C1QTNF3: variants seen among roughly 807,000 people sequenced by gnomAD.
C1QTNF3 encodes the protein complement C1q tumor necrosis factor-related protein 3.
Under a neutral mutation model 32.6 loss-of-function variants are expected in C1QTNF3, and 26 were observed. The observed-to-expected ratio is 0.80, with a 90% CI of 0.58 to 1.11. The LOEUF is 1.11. C1QTNF3 is among the 50% of genes least tolerant of loss of function. C1QTNF3 has a pLI of 0.00. For synonymous variants in C1QTNF3, 155 were observed against 146.0 expected, an observed-to-expected ratio of 1.06 and a Z score of -0.44; for missense variants, 362 against 398.2, an observed-to-expected ratio of 0.91 and a Z score of 0.77.
At chr5:34,197,963 C>A in the C1QTNF3 span, among the ~76,000 whole-genome samples, 2 of 150,778 alleles carry the variant, frequency 1.3e-5, no homozygotes, top group African/African-American at 4.9e-5. Context: ...CGGCTGGGCA[C>A]GGTGGCTCAC....
At chr5:34,126,204 C>T in the C1QTNF3 span, among the ~76,000 whole-genome samples, 2 of 152,110 alleles carry the variant, frequency 1.3e-5, no homozygotes, top group Admixed American at 6.5e-5. Context: ...AAATTATCCA[C>T]ATGAAGTCCT....
the C1QTNF3 span, among the ~76,000 whole-genome samples, chr5:34,201,387 T>C: frequency 6.6e-6 from 1 of 152,178 alleles, no homozygotes; most frequent in Non-Finnish European, 1.5e-5. Flanking sequence ...TAAACATGTT[T>C]TTATCTATTA....
chr5:34,163,142 A>G, the C1QTNF3 span, among the ~76,000 whole-genome samples: 1 of 152,130 alleles, frequency 6.6e-6, no homozygotes, highest in Non-Finnish European at 1.5e-5. Context: ...ACACGCTTGC[A>G]TATCCATTTT....
the C1QTNF3 span, among the ~76,000 whole-genome samples, chr5:34,117,050 A>G: frequency 6.6e-6 from 1 of 151,748 alleles, no homozygotes; most frequent in Admixed American, 6.6e-5. Flanking sequence ...ATTCATTGAA[A>G]CTCATAATCT....
chr5:34,160,612 T>C, the C1QTNF3 span, among the ~76,000 whole-genome samples: 16 of 152,138 alleles, frequency 1.1e-4, no homozygotes, highest in Non-Finnish European at 1.8e-4. Flanking sequence ...ACAGACCAGA[T>C]TGCAATCTCA....
At chr5:34,112,900 A>C in the C1QTNF3 span, among the ~76,000 whole-genome samples, 1 of 152,056 alleles carries the variant, frequency 6.6e-6, no homozygotes, top group Non-Finnish European at 1.5e-5. Flanking sequence ...CGGGCATAAC[A>C]CATGGTGACA....
the C1QTNF3 span, among the ~76,000 whole-genome samples, chr5:34,169,626 T>G: frequency 6.6e-6 from 1 of 152,174 alleles, no homozygotes; most frequent in Non-Finnish European, 1.5e-5. Context: ...TTTGTTTTTC[T>G]TGTTTGTTTT....
rs1754720687 is a variant in C1QTNF3 at position 34,035,716 on chromosome 5, A to C, written c.346T>G (p.Cys116Gly). 2 of 1,612,522 alleles carry C rather than the reference A, an allele frequency of 1.2e-6. No homozygotes were observed. Among genetic ancestry groups the C allele is most frequent in the East Asian group, 4.5e-5 (2 of 44,854 alleles). Residue 116 changes from cysteine (C) to glycine (G), a missense_variant, in exon 2 of 6, where the codon TGT (cysteine) becomes GGT (glycine). Cys to Gly is a radical substitution (Grantham distance 159). Transcript: ENST00000382065. The part of the protein sequence containing the change: ...GGLPPDCSKC[C>G]HGDYSFRGYQ... The stretch of plus-strand genomic sequence containing the variant: ...CCTCGAAAGCTGTAGTCTCCATGAC[A>C]ACACTTACTGCAGTCTGGGGGTAGT...
At chr5:34,162,624 T>C in the C1QTNF3 span, among the ~76,000 whole-genome samples, 1 of 152,174 alleles carries the variant, frequency 6.6e-6, no homozygotes, top group Admixed American at 6.6e-5. Flanking sequence ...GCAAGTTCTC[T>C]TTATGTATCA....
the C1QTNF3 span, among the ~76,000 whole-genome samples, chr5:34,195,546 A>G: frequency 6.6e-6 from 1 of 152,156 alleles, no homozygotes; most frequent in Non-Finnish European, 1.5e-5. Flanking sequence ...TGTTCCCTCA[A>G]AATTCATATG....
rs192828315 is a variant in C1QTNF3 at position 34,022,942 on chromosome 5, G to A, written c.800+967C>T. Among the ~76,000 whole-genome samples the A allele has an allele frequency of 6.8e-3, 1,035 of 152,210 alleles. 12 individuals carry two copies. Among genetic ancestry groups the A allele is most frequent in the African/African-American group, 0.024 (1,002 of 41,540 alleles). ...GCAATCTCAGCTTACTGCAAGTTCC[G>A]CCTCCTGGGTTCATGCCATTCTCCT... On this transcript the variant is annotated intron_variant, in intron 5 of 5. Coordinates refer to ENST00000382065, the MANE Select transcript of C1QTNF3 (RefSeq NM_181435.6).
At chr5:34,085,899 G>T in the C1QTNF3 span, among the ~76,000 whole-genome samples, 4 of 151,158 alleles carry the variant, frequency 2.6e-5, 1 homozygote, top group African/African-American at 7.4e-5. Flanking sequence ...CAAGGATCTA[G>T]AACTAGAACT....
chr5:34,128,573 GAGA>G, the C1QTNF3 span, among the ~76,000 whole-genome samples: 1 of 152,220 alleles, frequency 6.6e-6, no homozygotes, highest in South Asian at 2.1e-4. Flanking sequence ...CTAAGGCCTT[GAGA>G]GCCCACTTGT....
At chr5:34,243,168 A>G in the C1QTNF3 span, among the ~76,000 whole-genome samples, 1 of 152,216 alleles carries the variant, frequency 6.6e-6, no homozygotes, top group Non-Finnish European at 1.5e-5. Flanking sequence ...ACACGAACAG[A>G]TATTTTCTCA....
chr5:34,185,151 A>G, the C1QTNF3 span, among the ~76,000 whole-genome samples: 2 of 152,430 alleles, frequency 1.3e-5, no homozygotes, highest in East Asian at 1.9e-4. Context: ...GTTCGAGACC[A>G]GCCTGGCCAA....
chr5:34,219,865 C>T, the C1QTNF3 span: 4 of 152,186 alleles, frequency 2.6e-5, no homozygotes, highest in African/African-American at 7.2e-5. Flanking sequence ...GTTCTAGACA[C>T]AGGGGCTATA....
the C1QTNF3 span, among the ~76,000 whole-genome samples, chr5:34,194,760 T>C: frequency 6.6e-6 from 1 of 152,300 alleles, no homozygotes; most frequent in Non-Finnish European, 1.5e-5. Flanking sequence ...TTTCAGGATC[T>C]CCTGAGGATA....
At position 34,020,506 on chromosome 5, in the gene C1QTNF3, C is replaced by A; in HGVS notation, c.*77G>T. 6.6e-7 allele frequency: 1 copy of A among 1,525,180 alleles called. No homozygotes were observed. Among genetic ancestry groups the A allele is most frequent in the Non-Finnish European group, 8.9e-7 (1 of 1,121,854 alleles). The allele number at this position is 1,525,180 out of a possible 1,614,324, so 94.5% of individuals were successfully genotyped here. On this transcript the variant is annotated 3_prime_UTR_variant, in exon 6 of 6. Coordinates refer to ENST00000382065, the MANE Select transcript of C1QTNF3 (RefSeq NM_181435.6). The stretch of plus-strand genomic sequence containing the variant: ...GAATACAGCAATGTAAAACCCTCAA[C>A]TTTAATGTTCCTCAGATCGTAACAA...
chr5:34,222,277 T>A, the C1QTNF3 span, among the ~76,000 whole-genome samples: 1 of 152,032 alleles, frequency 6.6e-6, no homozygotes, highest in Non-Finnish European at 1.5e-5. Context: ...ATTCAACACC[T>A]GTGTTTTCTC....
Sources: allele counts gnomAD v4.1 joint callset (sites outside exome capture counted in the v4.1 genomes callset), GRCh38; gene constraint gnomAD v4.1.1; transcripts MANE v1.5; gene names NCBI Gene and HGNC (gene_info 2026-07-23, HGNC 2026-07-21).